Variants in DPP10 observed in about 807,000 individuals in gnomAD.
DPP10 encodes dipeptidyl peptidase like 10.
Under a neutral mutation model 120.9 loss-of-function variants are expected in DPP10, and 33 were observed. The ratio of observed to expected loss-of-function variants is 0.27; its 90% CI spans 0.21 to 0.37. The LOEUF (loss-of-function observed/expected upper bound fraction) is 0.37, where lower values mean the gene tolerates loss of function less well. Among genes scored for constraint, DPP10 ranks in the 10% least tolerant of loss-of-function variants. The pLI is 1.00. For missense variants in DPP10, 816 were observed against 942.8 expected (o/e 0.87, Z 1.76); for synonymous variants, 337 against 326.1 (o/e 1.03, Z -0.36).
chr2:114,776,026 A>G (rs144623292), intron 1 of DPP10, among the ~76,000 whole-genome samples: 269 of 152,310 alleles, frequency 1.8e-3, no homozygotes, highest in African/African-American at 6.2e-3. Context: ...GCAGGAGTTA[A>G]TATGGAAGAA....
Position 114,460,881 on chromosome 2 carries a change from A to G in DPP10, c.60+18043A>G, listed in dbSNP as rs78568829. The stretch of plus-strand genomic sequence containing the variant: ...TTTGATGAAATGTTTCCTAACAGAG[A>G]GTAAGTAATTGTGATATAATTGTTT... On this transcript the variant is annotated intron_variant, in intron 1 of 25. Transcript: ENST00000410059. Among the ~76,000 whole-genome samples the G allele has an allele frequency of 4.3e-3, 648 of 152,294 alleles. 5 individuals carry two copies. Among genetic ancestry groups the G allele is most frequent in the Non-Finnish European group, 7.6e-3 (519 of 68,026 alleles).
chr2:115,353,495 A>G (rs945601995), intron 3 of DPP10, among the ~76,000 whole-genome samples: 1 of 152,176 alleles, frequency 6.6e-6, no homozygotes, highest in Non-Finnish European at 1.5e-5. Context: ...TCTTAATTTG[A>G]AACAGAAGAA....
chr2:115,234,337 G>A (rs1218379909), intron 1 of DPP10: 4 of 181,716 alleles, frequency 2.2e-5, no homozygotes, highest in South Asian at 2.1e-4. Flanking sequence ...TGCTTGTTTC[G>A]TGACCCACAA....
At chr2:115,258,683 G>T (rs143778289) in intron 1 of DPP10, among the ~76,000 whole-genome samples, 105 of 152,216 alleles carry the variant, frequency 6.9e-4, no homozygotes, top group African/African-American at 2.5e-3. Flanking sequence ...TGAGATGGGA[G>T]GATCACTTGA....
chr2:115,628,348 A>G (rs181502514), intron 5 of DPP10, among the ~76,000 whole-genome samples: 1 of 152,088 alleles, frequency 6.6e-6, no homozygotes, highest in African/African-American at 2.4e-5. Context: ...TCCTTTGCCC[A>G]CTTTTTAATG....
chr2:115,525,603 C>A (rs1019475435), intron 4 of DPP10, among the ~76,000 whole-genome samples: 1 of 151,812 alleles, frequency 6.6e-6, no homozygotes, highest in Non-Finnish European at 1.5e-5. Context: ...TCAGGAATTT[C>A]AATAGGCCTT....
chr2:115,446,761 T>G (rs988206337), intron 3 of DPP10, among the ~76,000 whole-genome samples: 1 of 152,170 alleles, frequency 6.6e-6, no homozygotes, highest in South Asian at 2.1e-4. Flanking sequence ...GGTCCACTAT[T>G]TTACTGGGGC....
chr2:115,522,708 C>T (rs1444523054), intron 4 of DPP10, among the ~76,000 whole-genome samples: 1 of 152,112 alleles, frequency 6.6e-6, no homozygotes, highest in Non-Finnish European at 1.5e-5. Context: ...ACTGGACAGG[C>T]AGGCATCATT....
chr2:115,075,828 G>A (rs1707743184), intron 1 of DPP10, among the ~76,000 whole-genome samples: 1 of 151,780 alleles, frequency 6.6e-6, no homozygotes, highest in African/African-American at 2.4e-5. Context: ...AATATTCAGG[G>A]GCAGTGAGTC....
chr2:115,750,778 G>C (rs1322659137), intron 10 of DPP10, among the ~76,000 whole-genome samples: 2 of 151,794 alleles, frequency 1.3e-5, no homozygotes, highest in Admixed American at 6.6e-5. Context: ...TTTTTTTTAA[G>C]TCAAAATTTG....
chr2:115,375,029 A>C (rs977552678), intron 3 of DPP10, among the ~76,000 whole-genome samples: 1 of 152,204 alleles, frequency 6.6e-6, no homozygotes, highest in Non-Finnish European at 1.5e-5. Flanking sequence ...ACTTATGCAA[A>C]GTTCTGCAGG....
At chr2:114,797,772 A>G (rs1429469675) in intron 1 of DPP10, among the ~76,000 whole-genome samples, 1 of 152,256 alleles carries the variant, frequency 6.6e-6, no homozygotes, top group South Asian at 2.1e-4. Context: ...TGTCCCCTCC[A>G]GTACCCAGGA....
At chr2:114,492,633 T>C (rs773521994) in intron 1 of DPP10, among the ~76,000 whole-genome samples, 17 of 152,170 alleles carry the variant, frequency 1.1e-4, no homozygotes, top group African/African-American at 2.2e-4. Flanking sequence ...TATTTTTATT[T>C]AATATAAAAC....
At chr2:115,336,432 C>T (rs994309619) in intron 2 of DPP10, among the ~76,000 whole-genome samples, 1 of 151,890 alleles carries the variant, frequency 6.6e-6, no homozygotes, top group African/African-American at 2.4e-5. Flanking sequence ...AATTGTTAAA[C>T]CATATATTTA....
intron 1 of DPP10, among the ~76,000 whole-genome samples, chr2:115,151,874 C>A (rs946950742): frequency 3.3e-5 from 5 of 151,780 alleles, no homozygotes; most frequent in Middle Eastern, 3.2e-3. Flanking sequence ...TTTTCTCCTT[C>A]TCAACTTGAT....
chr2:115,552,361 A>G (rs2079928572), intron 5 of DPP10, among the ~76,000 whole-genome samples: 1 of 152,102 alleles, frequency 6.6e-6, no homozygotes, highest in Admixed American at 6.6e-5. Context: ...ACAAGCGTCT[A>G]TGCTCCCATT....
At chr2:114,744,163 A>G (rs1341994644) in intron 1 of DPP10, among the ~76,000 whole-genome samples, 1 of 152,198 alleles carries the variant, frequency 6.6e-6, no homozygotes, top group Non-Finnish European at 1.5e-5. Flanking sequence ...GTGATTGGAC[A>G]TGCAACATAG....
intron 4 of DPP10, among the ~76,000 whole-genome samples, chr2:115,509,449 T>C (rs780232354): frequency 6.6e-6 from 1 of 152,038 alleles, no homozygotes; most frequent in South Asian, 2.1e-4. Context: ...GAGAACCAGG[T>C]TTGAGCGTAT....
chr2:115,003,975 A>G (rs1701633458), intron 1 of DPP10, among the ~76,000 whole-genome samples: 1 of 152,222 alleles, frequency 6.6e-6, no homozygotes, highest in Non-Finnish European at 1.5e-5. Flanking sequence ...ATATGTAGTT[A>G]TTAGTTTATT....
Sources: allele counts gnomAD v4.1 joint callset (sites outside exome capture counted in the v4.1 genomes callset), GRCh38; gene constraint gnomAD v4.1.1; transcripts MANE v1.5; gene names NCBI Gene and HGNC (gene_info 2026-07-23, HGNC 2026-07-21).